ZNF654: variants seen among roughly 807,000 people sequenced by gnomAD.
The protein encoded by ZNF654 is zinc finger protein 654, also known as melanoma-associated antigen.
ZNF654 carries 19 observed loss-of-function variants against 95.3 expected under a neutral mutation model. The observed-to-expected ratio is 0.20, with a 90% CI of 0.14 to 0.29. The LOEUF is 0.29. Ranked by LOEUF, ZNF654 falls within the 10% of genes least tolerant of loss-of-function variation. ZNF654 has a pLI of 1.00. For missense variants in ZNF654, 1,046 were observed against 1,341.0 expected (o/e 0.78, Z 3.44); for synonymous variants, 413 against 457.9 (o/e 0.90, Z 1.25).
chr3:88,131,059 T>G (rs1395746785), intron 6 of ZNF654, among the ~76,000 whole-genome samples: 1 of 152,146 alleles, frequency 6.6e-6, no homozygotes, highest in Non-Finnish European at 1.5e-5. Context: ...GTGTGAATAT[T>G]GTAGAGATAC....
At chr3:88,086,160 T>G in intron 1 of ZNF654, 97 bp from the exon 2 acceptor site, 2 of 1,137,946 alleles carry the variant, frequency 1.8e-6, no homozygotes, top group Non-Finnish European at 2.4e-6. Context: ...CATGCCGATC[T>G]AATATTTTAA....
At chr3:88,073,134 C>T (rs1289179432) in intron 1 of ZNF654, among the ~76,000 whole-genome samples, 1 of 128,320 alleles carries the variant, frequency 7.8e-6, no homozygotes, top group Non-Finnish European at 1.8e-5. Context: ...GATCTCCAGA[C>T]CAACAGTATG....
chr3:88,080,363 C>T (rs1479922295), intron 1 of ZNF654, among the ~76,000 whole-genome samples: 1 of 152,030 alleles, frequency 6.6e-6, no homozygotes, highest in African/African-American at 2.4e-5. Context: ...AAACAAGGTG[C>T]ACTAGTAATG....
At chr3:88,069,441 C>A (rs145209700) in intron 1 of ZNF654, among the ~76,000 whole-genome samples, 139 of 152,194 alleles carry the variant, frequency 9.1e-4, no homozygotes, top group South Asian at 9.1e-3. Flanking sequence ...GAAAGTGATT[C>A]TCAACTCTTA....
chr3:88,096,559 G>T (rs552089115), intron 2 of ZNF654, among the ~76,000 whole-genome samples: 1 of 152,182 alleles, frequency 6.6e-6, no homozygotes, highest in African/African-American at 2.4e-5. Flanking sequence ...TTGAATTTTA[G>T]ATTGGCAATT....
chr3:88,073,893 A>C (rs1192495436), intron 1 of ZNF654, among the ~76,000 whole-genome samples: 1 of 152,126 alleles, frequency 6.6e-6, no homozygotes, highest in African/African-American at 2.4e-5. Flanking sequence ...CTCATAATTT[A>C]TTTTCTCCTT....
Position 88,069,687 on chromosome 3 carries a change from C to T in ZNF654, c.186+10182C>T, listed in dbSNP as rs1438619011. Among the ~76,000 whole-genome samples the T allele has an allele frequency of 2.6e-5, 4 of 152,160 alleles. No individual in the cohort carries two copies. The East Asian group carries it at 7.7e-4, about 29-fold the overall frequency. On this transcript the variant is annotated intron_variant, in intron 1 of 8. Coordinates refer to ENST00000636215, the MANE Select transcript of ZNF654 (RefSeq NM_001350134.2). ...TCAGTTATTTTTGTATTCACCACTG[C>T]TTTGGAAAGTTGACATTATAGAGTG... is the stretch of plus-strand genomic sequence containing the variant.
chr3:88,063,025 G>A (rs1328674906), intron 1 of ZNF654, among the ~76,000 whole-genome samples: 1 of 152,152 alleles, frequency 6.6e-6, no homozygotes, highest in Non-Finnish European at 1.5e-5. Flanking sequence ...AATGCTCCTG[G>A]TGAAACACAA....
At chr3:88,093,706 C>T (rs1559705090) in intron 2 of ZNF654, among the ~76,000 whole-genome samples, 3 of 152,210 alleles carry the variant, frequency 2.0e-5, no homozygotes, top group Admixed American at 1.3e-4. Context: ...GTATTTCATA[C>T]AGCATTTATG....
At chr3:88,111,735 T>C (rs1387200603) in intron 2 of ZNF654, among the ~76,000 whole-genome samples, 16 of 151,994 alleles carry the variant, frequency 1.1e-4, no homozygotes, top group Admixed American at 8.5e-4. Context: ...TCAAATGGTA[T>C]GTGTACATTT....
intron 2 of ZNF654, among the ~76,000 whole-genome samples, chr3:88,092,396 T>C (rs963349439): frequency 5.3e-4 from 80 of 152,238 alleles, no homozygotes; most frequent in African/African-American, 1.9e-3. Context: ...TTTTATATAA[T>C]TGTAGTTAGG....
At chr3:88,128,627 C>A (rs941546256) in intron 4 of ZNF654, among the ~76,000 whole-genome samples, 182 bp from the exon 5 acceptor site, 1 of 152,016 alleles carries the variant, frequency 6.6e-6, no homozygotes, top group Non-Finnish European at 1.5e-5. Context: ...TGGTGTCACT[C>A]TTCTTTTCCT....
At chr3:88,090,532 T>A (rs976928391) in intron 2 of ZNF654, among the ~76,000 whole-genome samples, 1 of 151,320 alleles carries the variant, frequency 6.6e-6, no homozygotes, top group African/African-American at 2.4e-5. Flanking sequence ...GTAAAAAGTT[T>A]ATAAAGGTTA....
At chr3:88,121,224 T>G (rs1319223977) in intron 3 of ZNF654, among the ~76,000 whole-genome samples, 1 of 152,164 alleles carries the variant, frequency 6.6e-6, no homozygotes, top group Non-Finnish European at 1.5e-5. Flanking sequence ...CAAATTTGTA[T>G]TCCTAAAGTC....
At chr3:88,071,704 T>C (rs1056392216) in intron 1 of ZNF654, among the ~76,000 whole-genome samples, 3 of 151,374 alleles carry the variant, frequency 2.0e-5, no homozygotes, top group African/African-American at 7.3e-5. Flanking sequence ...TTCAGGAGGA[T>C]GAGGCAAGAG....
chr3:88,069,187 C>T (rs980641170), intron 1 of ZNF654, among the ~76,000 whole-genome samples: 3 of 152,016 alleles, frequency 2.0e-5, no homozygotes, highest in African/African-American at 7.3e-5. Context: ...TTTGGGAGGC[C>T]GAGGCAGGTA....
intron 1 of ZNF654, among the ~76,000 whole-genome samples, chr3:88,069,180 G>A (rs1707366747): frequency 6.6e-6 from 1 of 152,306 alleles, no homozygotes; most frequent in South Asian, 2.1e-4. Flanking sequence ...CCAGTACTTT[G>A]GGAGGCCGAG....
In ZNF654 at chr3:88,080,427, G is replaced by A. The variant is rs563598042; in HGVS notation, c.187-5830G>A. 4.6e-5 allele frequency among the ~76,000 whole-genome samples: 7 copies of A among 152,124 alleles called. No individual in the cohort carries two copies. In the South Asian group the frequency reaches 1.4e-3, roughly 32 times the overall value. ...ATCTGATAGCTCTTGTTTGTTACATGCCAGGAATTATCCTATATTTTAATA... is the reference window on the plus strand; with the variant it reads ...ATCTGATAGCTCTTGTTTGTTACATACCAGGAATTATCCTATATTTTAATA... On this transcript the variant is annotated intron_variant, in intron 1 of 8. Coordinates refer to ENST00000636215, the MANE Select transcript of ZNF654 (RefSeq NM_001350134.2).
rs1404856213 is a variant in ZNF654, at chr3:88,140,550, C to G, written c.2881C>G (p.Pro961Ala). The stretch of plus-strand genomic sequence containing the variant: ...TATAAGCTTGATAGACCAAAAGATG[C>G]CTGACATAGAGCCAAATTCTGAAAA... ...SNISLIDQKM[P>A]DIEPNSENNC... The change falls in exon 8 of 9, where the codon CCT becomes GCT. Residue 961 changes from proline to alanine, a missense_variant. Physicochemically the swap from Pro to Ala is conservative, Grantham distance 27. Coordinates refer to ENST00000636215, the MANE Select transcript of ZNF654 (RefSeq NM_001350134.2). 6.2e-7 allele frequency: 1 copy of G among 1,613,644 alleles called. No homozygotes were observed. The highest frequency in any genetic ancestry group is 1.7e-5 in the Admixed American group (1 of 59,984).
Sources: gnomAD v4.1 joint callset for allele counts (sites outside exome capture counted in the v4.1 genomes callset) on GRCh38, gnomAD v4.1.1 for gene constraint, MANE v1.5 for transcripts, NCBI Gene and HGNC (gene_info 2026-07-23, HGNC 2026-07-21) for gene names.